The following DMRT1 variants were observed in gnomAD, a reference collection of about 807,000 sequenced individuals.
DMRT1 encodes the protein doublesex and mab-3 related transcription factor 1.
Under a neutral mutation model 32.3 loss-of-function variants are expected in DMRT1, and 7 were observed. The ratio of observed to expected loss-of-function variants is 0.22; its 90% CI spans 0.12 to 0.41. DMRT1 has a LOEUF of 0.41. Among genes scored for constraint, DMRT1 ranks in the 10% least tolerant of loss-of-function variants. The pLI is 1.00. For synonymous variants in DMRT1, 278 were observed against 206.1 expected, an observed-to-expected ratio of 1.35 and a Z score of -2.99; for missense variants, 625 against 500.5, an observed-to-expected ratio of 1.25 and a Z score of -2.37.
At chr9:868,102 T>C (rs1816070922) in intron 2 of DMRT1, among the ~76,000 whole-genome samples, 5 of 152,154 alleles carry the variant, frequency 3.3e-5, no homozygotes, top group Non-Finnish European at 7.4e-5. Context: ...CTCAGCCTCC[T>C]GATTAGCTGG....
At position 881,967 on chromosome 9, in the gene DMRT1, G is replaced by A. The variant is rs566795721; in HGVS notation, c.539-11945G>A. On this transcript the variant is annotated intron_variant, in intron 2 of 4. Coordinates refer to ENST00000382276, the MANE Select transcript of DMRT1 (RefSeq NM_021951.3). ...AAAGAGAGAAATCTCTGTCTTGGCC[G>A]TGAGACAGGCTTTCATGGCCATGAG... Among the ~76,000 whole-genome samples, 28 of 152,382 alleles carry A rather than the reference G, an allele frequency of 1.8e-4. No homozygotes were observed. In the South Asian group the frequency reaches 3.9e-3, roughly 21 times the overall value.
At chr9:861,543 T>C (rs529037745) in intron 2 of DMRT1, among the ~76,000 whole-genome samples, 29 of 152,310 alleles carry the variant, frequency 1.9e-4, no homozygotes, top group African/African-American at 6.7e-4. Flanking sequence ...AAACCGCCAT[T>C]GTCATCATGG....
chr9:898,195 C>G (rs1016320334), intron 3 of DMRT1, among the ~76,000 whole-genome samples: 1 of 151,874 alleles, frequency 6.6e-6, no homozygotes, highest in Admixed American at 6.6e-5. Flanking sequence ...TCTTGGCTCA[C>G]TGCAACCTCC....
intron 4 of DMRT1, among the ~76,000 whole-genome samples, chr9:932,599 A>G (rs547964630): frequency 3.2e-4 from 48 of 152,222 alleles, no homozygotes; most frequent in African/African-American, 1.1e-3. Context: ...ATTCAATTCA[A>G]TTCTGACACT....
At chr9:866,105 C>T (rs933107361) in intron 2 of DMRT1, among the ~76,000 whole-genome samples, 6 of 128,974 alleles carry the variant, frequency 4.7e-5, no homozygotes, top group Non-Finnish European at 9.3e-5. Flanking sequence ...CAGCAGCTGC[C>T]GTGAGCCGAG....
intron 3 of DMRT1, among the ~76,000 whole-genome samples, chr9:895,783 C>G (rs1467415507): frequency 2.7e-5 from 4 of 149,754 alleles, no homozygotes; most frequent in African/African-American, 9.8e-5. Flanking sequence ...CCAGAATTTA[C>G]TCATCTTATA....
At chr9:853,172 C>T (rs535829468) in intron 2 of DMRT1, among the ~76,000 whole-genome samples, 9 of 152,112 alleles carry the variant, frequency 5.9e-5, no homozygotes, top group Non-Finnish European at 1.3e-4. Flanking sequence ...CCAACACATG[C>T]AGAGCCTCTC....
intron 3 of DMRT1, among the ~76,000 whole-genome samples, chr9:902,558 G>A (rs529931587): frequency 4.0e-4 from 60 of 150,454 alleles, no homozygotes; most frequent in African/African-American, 1.3e-3. Context: ...GCAGTTTCTC[G>A]GCTCACTGCA....
chr9:968,169 T>G lies in DMRT1; in HGVS notation c.*30T>G. The stretch of plus-strand genomic sequence containing the variant: ...TGCCTGCTGCCGATGGCGGTTCACT[T>G]GGAGTAACAGGCTTATTCCACTTTC... On this transcript the variant is annotated 3_prime_UTR_variant, in exon 5 of 5. Coordinates refer to ENST00000382276, the MANE Select transcript of DMRT1 (RefSeq NM_021951.3). 1 of 1,613,226 alleles carries G rather than the reference T, an allele frequency of 6.2e-7. No individual in the cohort carries two copies. Among genetic ancestry groups the G allele is most frequent in the South Asian group, 1.1e-5 (1 of 91,010 alleles).
chr9:922,350 A>C (rs1183739259), intron 4 of DMRT1, among the ~76,000 whole-genome samples: 1 of 152,248 alleles, frequency 6.6e-6, no homozygotes, highest in East Asian at 1.9e-4. Context: ...TGGCTTATAT[A>C]AGAATGTGGC....
intron 2 of DMRT1, among the ~76,000 whole-genome samples, chr9:879,199 ATC>A (rs1396978410): frequency 2.6e-5 from 4 of 152,184 alleles, no homozygotes; most frequent in African/African-American, 7.2e-5. Context: ...TACTTGCAGA[ATC>A]TCTCTACAAC....
chr9:852,382 T>C (rs1341310750), intron 2 of DMRT1, among the ~76,000 whole-genome samples: 3 of 151,426 alleles, frequency 2.0e-5, no homozygotes, highest in Non-Finnish European at 4.4e-5. Context: ...TGTTTTGAAC[T>C]TTAGCATAAA....
At chr9:937,991 A>G (rs1316508845) in intron 4 of DMRT1, among the ~76,000 whole-genome samples, 1 of 152,060 alleles carries the variant, frequency 6.6e-6, no homozygotes, top group Non-Finnish European at 1.5e-5. Context: ...AGCTCTTAAG[A>G]TCTTTCATTA....
intron 2 of DMRT1, among the ~76,000 whole-genome samples, chr9:885,266 A>G (rs1274521712): frequency 1.3e-5 from 2 of 152,170 alleles, no homozygotes; most frequent in African/African-American, 2.4e-5. Flanking sequence ...AGTCGGCTCA[A>G]TTAGATCCTC....
intron 2 of DMRT1, among the ~76,000 whole-genome samples, chr9:871,724 T>C (rs1279769192): frequency 6.6e-6 from 1 of 151,052 alleles, no homozygotes; most frequent in African/African-American, 2.5e-5. Context: ...TTCGCCCGCC[T>C]CGGCCTCCCA....
chr9:842,191 A>AGGTGGGTGCG lies in DMRT1; in HGVS notation c.354+2_354+11dup, dbSNP rs1554739406. 1 of 1,528,754 alleles carries AGGTGGGTGCG rather than the reference A, an allele frequency of 6.5e-7. No homozygotes were observed. Among genetic ancestry groups the AGGTGGGTGCG allele is most frequent in the Non-Finnish European group, 8.7e-7 (1 of 1,143,708 alleles). The allele number at this position is 1,528,754 out of a possible 1,614,324, so 94.7% of individuals were successfully genotyped here. Reference sequence around the variant, plus strand: ...GAGAGGCAGCGCGTGATGGCCGCGCAGGTGGGTGCGGGCGTGCGGGAGCCC... The same window carrying AGGTGGGTGCG: ...GAGAGGCAGCGCGTGATGGCCGCGCAGGTGGGTGCGGGTGGGTGCGGGCGTGCGGGAGCCC... On this transcript the variant is annotated frameshift_variant and splice_region_variant, in exon 1 of 5. Coordinates refer to ENST00000382276, the MANE Select transcript of DMRT1 (RefSeq NM_021951.3). LOFTEE classifies it high-confidence loss of function.
intron 4 of DMRT1, among the ~76,000 whole-genome samples, chr9:935,798 C>G (rs1413998986): frequency 1.3e-5 from 2 of 152,166 alleles, no homozygotes; most frequent in East Asian, 1.9e-4. Context: ...GTATAAATGA[C>G]TTTTGTTTAC....
intron 2 of DMRT1, among the ~76,000 whole-genome samples, chr9:872,308 G>A (rs929375764): frequency 4.6e-5 from 7 of 152,058 alleles, no homozygotes; most frequent in Admixed American, 1.3e-4. Flanking sequence ...TGATCCACCC[G>A]CCTTGGCCTC....
chr9:850,887 G>T (rs149243745), intron 2 of DMRT1, among the ~76,000 whole-genome samples: 2,851 of 152,150 alleles, frequency 0.019, 70 homozygotes, highest in African/African-American at 0.055. Flanking sequence ...AAATTAGCTG[G>T]GCATGGTGGC....
Sources: gnomAD v4.1 joint callset for allele counts (sites outside exome capture counted in the v4.1 genomes callset) on GRCh38, gnomAD v4.1.1 for gene constraint, MANE v1.5 for transcripts, NCBI Gene and HGNC (gene_info 2026-07-23, HGNC 2026-07-21) for gene names.